Variants in GABBR2 observed in about 807,000 individuals in gnomAD.
GABBR2 encodes the protein gamma-aminobutyric acid type B receptor subunit 2.
In GABBR2, 23 loss-of-function variants were observed where a neutral mutation model predicts 105.6. That is an observed-to-expected ratio of 0.22 (90% CI 0.16 to 0.31). The LOEUF is 0.31. GABBR2 is among the 10% of genes least tolerant of loss of function. GABBR2 has a pLI of 1.00. For synonymous variants in GABBR2, 478 were observed against 499.7 expected (o/e 0.96, Z 0.58); for missense variants, 734 against 1,245.5 (o/e 0.59, Z 6.18).
chr9:98,643,745 C>T (rs1331555629), intron 1 of GABBR2, among the ~76,000 whole-genome samples: 1 of 152,226 alleles, frequency 6.6e-6, no homozygotes, highest in Non-Finnish European at 1.5e-5. Context: ...GCACAGCCCC[C>T]AGTAGGCCCA....
intron 3 of GABBR2, among the ~76,000 whole-genome samples, chr9:98,500,542 C>T (rs1214085928): frequency 6.6e-6 from 1 of 152,212 alleles, no homozygotes; most frequent in Non-Finnish European, 1.5e-5. Context: ...GCCTCTGGGG[C>T]TACCCAAAGG....
chr9:98,370,120 T>C (rs570706220), intron 12 of GABBR2, among the ~76,000 whole-genome samples: 3 of 152,144 alleles, frequency 2.0e-5, no homozygotes, highest in Admixed American at 2.0e-4. Context: ...CCTTCAGTCC[T>C]TGAGTTTGTA....
chr9:98,633,554 G>A (rs139363326), intron 1 of GABBR2, among the ~76,000 whole-genome samples: 3,896 of 149,314 alleles, frequency 0.026, 64 homozygotes, highest in South Asian at 0.061. Context: ...GAACCCGGAG[G>A]TGGAGGTTAC....
chr9:98,665,328 G>A (rs1830320338), intron 1 of GABBR2, among the ~76,000 whole-genome samples: 1 of 151,890 alleles, frequency 6.6e-6, no homozygotes, highest in East Asian at 1.9e-4. Flanking sequence ...AAAGAAAAGA[G>A]AACTAACTAT....
At chr9:98,659,584 C>T (rs1319904073) in intron 1 of GABBR2, among the ~76,000 whole-genome samples, 11 of 138,946 alleles carry the variant, frequency 7.9e-5, no homozygotes, top group Non-Finnish European at 1.5e-4. Context: ...TGCAGTGGCA[C>T]GATCTCAGCT....
At chr9:98,375,837 T>A (rs1831862951) in intron 11 of GABBR2, among the ~76,000 whole-genome samples, 2 of 152,190 alleles carry the variant, frequency 1.3e-5, no homozygotes, top group African/African-American at 4.8e-5. Flanking sequence ...CTCCCTTCTA[T>A]GTGGCTCTAT....
At chr9:98,332,113 C>T (rs531144664) in intron 13 of GABBR2, among the ~76,000 whole-genome samples, 3 of 152,146 alleles carry the variant, frequency 2.0e-5, no homozygotes, top group Non-Finnish European at 2.9e-5. Context: ...TGGCTTCTCA[C>T]CTCTGAGCCC....
At chr9:98,589,397 A>T (rs564198600) in intron 1 of GABBR2, among the ~76,000 whole-genome samples, 2 of 152,354 alleles carry the variant, frequency 1.3e-5, no homozygotes, top group African/African-American at 4.8e-5. Context: ...CAATGACATA[A>T]GCAAGAAATA....
chr9:98,450,635 T>C (rs1260508729), intron 7 of GABBR2, among the ~76,000 whole-genome samples: 1 of 152,184 alleles, frequency 6.6e-6, no homozygotes, highest in African/African-American at 2.4e-5. Context: ...TTTCCTTTTC[T>C]GGACCTCAGA....
intron 11 of GABBR2, among the ~76,000 whole-genome samples, chr9:98,379,442 T>A (rs1335376181): frequency 6.6e-6 from 1 of 152,216 alleles, no homozygotes; most frequent in Non-Finnish European, 1.5e-5. Flanking sequence ...CTAATCTTTG[T>A]ATTTTTAGTA....
At chr9:98,412,170 G>T (rs1832602338) in intron 7 of GABBR2, among the ~76,000 whole-genome samples, 1 of 152,218 alleles carries the variant, frequency 6.6e-6, no homozygotes, top group East Asian at 1.9e-4. Flanking sequence ...TGTAGGGTCA[G>T]GGAGGCAAGA....
intron 1 of GABBR2, chr9:98,608,210 A>G (rs2131811196): frequency 3.4e-6 from 3 of 877,366 alleles, no homozygotes; most frequent in East Asian, 5.3e-5. Context: ...GATCCGTTTG[A>G]CCAATTTGAG....
intron 3 of GABBR2, among the ~76,000 whole-genome samples, chr9:98,536,756 C>G (rs1271081237): frequency 6.6e-6 from 1 of 152,156 alleles, no homozygotes; most frequent in Non-Finnish European, 1.5e-5. Context: ...CTTACCGCAG[C>G]CCCTCAATGT....
chr9:98,567,312 A>T (rs1255658473), intron 2 of GABBR2, among the ~76,000 whole-genome samples: 3 of 152,202 alleles, frequency 2.0e-5, no homozygotes, highest in Non-Finnish European at 2.9e-5. Context: ...CAGGAAAGAC[A>T]TGGGGTATGT....
chr9:98,464,507 C>T (rs1317733761), intron 6 of GABBR2, among the ~76,000 whole-genome samples: 14 of 145,402 alleles, frequency 9.6e-5, no homozygotes, highest in Non-Finnish European at 2.0e-4. Context: ...TGCCTCTGCC[C>T]AGCCGCCCCG....
chr9:98,571,543 C>T lies in GABBR2; in HGVS notation c.459+6392G>A, dbSNP rs149237069. ...CTGAAATGGCTGTGGTTTTGATCAG[C>T]GGGGAATACAGTCCTAGAGGGATCT... On this transcript the variant is annotated intron_variant, in intron 2 of 18. Coordinates refer to ENST00000259455, the MANE Select transcript of GABBR2 (RefSeq NM_005458.8). Among the ~76,000 whole-genome samples, 372 of 152,274 alleles carry T rather than the reference C, an allele frequency of 2.4e-3. 2 individuals carry two copies. Among genetic ancestry groups the T allele is most frequent in the African/African-American group, 8.3e-3 (344 of 41,564 alleles).
chr9:98,318,316 T>C (rs1425221906), intron 13 of GABBR2, among the ~76,000 whole-genome samples: 2 of 152,076 alleles, frequency 1.3e-5, no homozygotes, highest in Non-Finnish European at 2.9e-5. Flanking sequence ...TTTGAAACAG[T>C]AGGGTAATAT....
At chr9:98,641,156 C>T (rs370341542) in intron 1 of GABBR2, among the ~76,000 whole-genome samples, 12 of 146,182 alleles carry the variant, frequency 8.2e-5, no homozygotes, top group Admixed American at 2.1e-4. Context: ...CTTTTTGAGA[C>T]GAAGTCTTGC....
intron 1 of GABBR2, among the ~76,000 whole-genome samples, chr9:98,641,043 GC>G (rs1419233399): frequency 1.3e-5 from 2 of 152,054 alleles, no homozygotes; most frequent in Non-Finnish European, 2.9e-5. Context: ...ACATACCTGG[GC>G]TTCCTTCTCC....
Sources: allele counts gnomAD v4.1 joint callset (sites outside exome capture counted in the v4.1 genomes callset), GRCh38; gene constraint gnomAD v4.1.1; transcripts MANE v1.5; gene names NCBI Gene and HGNC (gene_info 2026-07-23, HGNC 2026-07-21).